Variants in LDB2 observed in about 807,000 individuals in gnomAD.
LDB2 encodes LIM domain-binding protein 2.
Under a neutral mutation model 44.3 loss-of-function variants are expected in LDB2, and 12 were observed. That is an observed-to-expected ratio of 0.27 (90% CI 0.17 to 0.44). The LOEUF (loss-of-function observed/expected upper bound fraction) is 0.44, where lower values mean the gene tolerates loss of function less well. Ranked by LOEUF, LDB2 falls within the 20% of genes least tolerant of loss-of-function variation. The probability of loss-of-function intolerance (pLI) is 1.00; values close to 1 mark genes in which losing one functional copy is unlikely to be tolerated. For synonymous variants in LDB2, 164 were observed against 174.8 expected (o/e 0.94, Z 0.49); for missense variants, 344 against 473.5 (o/e 0.73, Z 2.54).
At chr4:16,742,195 C>T (rs1328047905) in intron 2 of LDB2, among the ~76,000 whole-genome samples, 2 of 151,716 alleles carry the variant, frequency 1.3e-5, no homozygotes, top group African/African-American at 4.8e-5. Context: ...CCTCAGTCTC[C>T]CAAGTAGCTG....
At chr4:16,885,554 T>C (rs749071933) in intron 1 of LDB2, among the ~76,000 whole-genome samples, 1 of 152,172 alleles carries the variant, frequency 6.6e-6, no homozygotes, top group Non-Finnish European at 1.5e-5. Flanking sequence ...CCTTTTCTTT[T>C]TGAATTAAAG....
intron 4 of LDB2, among the ~76,000 whole-genome samples, chr4:16,587,753 G>T (rs1560558136): frequency 6.6e-6 from 1 of 152,090 alleles, no homozygotes; most frequent in Non-Finnish European, 1.5e-5. Flanking sequence ...TCTTGATTTT[G>T]CTACTTTTGG....
At chr4:16,892,933 CT>C (rs949301059) in intron 1 of LDB2, 268 of 180,166 alleles carry the variant, frequency 1.5e-3, no homozygotes, top group African/African-American at 2.6e-3. Flanking sequence ...GTTGAAAGTT[CT>C]TTTTTTTTTC....
intron 1 of LDB2, among the ~76,000 whole-genome samples, chr4:16,866,483 A>G (rs1328569962): frequency 6.6e-6 from 1 of 152,240 alleles, no homozygotes; most frequent in Non-Finnish European, 1.5e-5. Context: ...GAAAGAAAAG[A>G]GAATGTGTGG....
intron 1 of LDB2, among the ~76,000 whole-genome samples, chr4:16,858,425 G>A (rs1789814801): frequency 1.3e-5 from 2 of 152,210 alleles, no homozygotes; most frequent in South Asian, 4.1e-4. Context: ...TGGGCTTCCA[G>A]AGAACTGGGT....
At chr4:16,601,744 A>G (rs996070355) in intron 2 of LDB2, among the ~76,000 whole-genome samples, 1 of 152,310 alleles carries the variant, frequency 6.6e-6, no homozygotes, top group Non-Finnish European at 1.5e-5. Context: ...TGGAAATTCT[A>G]TTATTCAGAT....
intron 1 of LDB2, among the ~76,000 whole-genome samples, chr4:16,782,183 C>T (rs944456300): frequency 4.6e-5 from 7 of 152,262 alleles, no homozygotes; most frequent in African/African-American, 4.8e-5. Flanking sequence ...CGTACCATGA[C>T]GTGCTCATCT....
chr4:16,810,735 G>A (rs1180356283), intron 1 of LDB2, among the ~76,000 whole-genome samples: 2 of 141,914 alleles, frequency 1.4e-5, no homozygotes, highest in East Asian at 2.1e-4. Context: ...AGGTTTTCAG[G>A]GGGGTTCACG....
intron 1 of LDB2, among the ~76,000 whole-genome samples, chr4:16,805,542 T>C (rs1778619976): frequency 6.6e-6 from 1 of 152,122 alleles, no homozygotes; most frequent in African/African-American, 2.4e-5. Context: ...TCCACTTTCT[T>C]GATTGGAGTA....
chr4:16,579,178 A>G (rs939885763), intron 5 of LDB2, among the ~76,000 whole-genome samples: 1 of 152,234 alleles, frequency 6.6e-6, no homozygotes, highest in Non-Finnish European at 1.5e-5. Context: ...AATTAAAAGA[A>G]TATGGATTGT....
chr4:16,522,929 C>T (rs185326730), intron 5 of LDB2, among the ~76,000 whole-genome samples: 1 of 152,248 alleles, frequency 6.6e-6, no homozygotes, highest in East Asian at 1.9e-4. Flanking sequence ...TAGAGAGGTA[C>T]AAGCAAATTT....
intron 2 of LDB2, among the ~76,000 whole-genome samples, chr4:16,610,551 A>G (rs1231378813): frequency 6.6e-6 from 1 of 152,202 alleles, no homozygotes; most frequent in East Asian, 1.9e-4. Flanking sequence ...ACACAGCATG[A>G]GAACATTGTG....
chr4:16,507,021 C>T (rs567734242), intron 7 of LDB2: 110 of 152,224 alleles, frequency 7.2e-4, no homozygotes, highest in African/African-American at 2.4e-3. Context: ...AGGCCATTTT[C>T]TCTATTCAAA....
In LDB2 at chr4:16,732,732, C is replaced by T. The variant is rs114929802; in HGVS notation, c.235+26426G>A. 5.2e-3 allele frequency among the ~76,000 whole-genome samples: 791 copies of T among 152,234 alleles called. 6 individuals are homozygous for T. The highest frequency in any genetic ancestry group is 0.018 in the African/African-American group (738 of 41,546). The stretch of plus-strand genomic sequence containing the variant: ...TTTCTCATCTGTTTGGACAAACAAA[C>T]ATGTACATCTGAAGGATCGGCTGTT... On this transcript the variant is annotated intron_variant, in intron 2 of 7. Transcript: ENST00000304523.
intron 1 of LDB2, among the ~76,000 whole-genome samples, chr4:16,823,313 A>T (rs895662114): frequency 1.3e-5 from 2 of 152,208 alleles, no homozygotes; most frequent in Non-Finnish European, 2.9e-5. Flanking sequence ...TTATCCCGAG[A>T]TAAGAAGTCA....
chr4:16,524,125 A>T (rs73798801), intron 5 of LDB2, among the ~76,000 whole-genome samples: 4,713 of 152,270 alleles, frequency 0.031, 241 homozygotes, highest in African/African-American at 0.11. Context: ...ATCTTGCTTT[A>T]TCCATTTCAT....
chr4:16,625,937 T>A (rs1730176770), intron 2 of LDB2, among the ~76,000 whole-genome samples: 1 of 152,144 alleles, frequency 6.6e-6, no homozygotes, highest in African/African-American at 2.4e-5. Context: ...GACCATCCTG[T>A]CCAACACTGG....
chr4:16,805,325 C>A (rs1778575234), intron 1 of LDB2, among the ~76,000 whole-genome samples: 1 of 152,192 alleles, frequency 6.6e-6, no homozygotes, highest in Non-Finnish European at 1.5e-5. Context: ...GGTAAGTCAA[C>A]AAACTCATTT....
In LDB2 at chr4:16,783,814, TTGAG is replaced by T. The variant is rs564117317; in HGVS notation, c.133-24558_133-24555del. Among the ~76,000 whole-genome samples the T allele has an allele frequency of 1.6e-4, 24 of 152,358 alleles. No individual in the cohort carries two copies. In the South Asian group the frequency reaches 5.0e-3, roughly 32 times the overall value. On this transcript the variant is annotated intron_variant, in intron 1 of 7. Coordinates refer to ENST00000304523, the MANE Select transcript of LDB2 (RefSeq NM_001290.5). ...TATTAAATAGTGTTTCTAAAGGGATTTGAGTGGTTTTTGGTTTCCTTTTCCCCCC... is the reference window on the plus strand; with the variant it reads ...TATTAAATAGTGTTTCTAAAGGGATTTGGTTTTTGGTTTCCTTTTCCCCCC...
Sources: gnomAD v4.1 joint callset for allele counts (sites outside exome capture counted in the v4.1 genomes callset) on GRCh38, gnomAD v4.1.1 for gene constraint, MANE v1.5 for transcripts, NCBI Gene and HGNC (gene_info 2026-07-23, HGNC 2026-07-21) for gene names.